Variants in ZNF813 observed in about 807,000 individuals in gnomAD.
ZNF813 encodes zinc finger protein 813.
A neutral mutation model predicts 7.2 loss-of-function variants in ZNF813; 3 were observed. The observed-to-expected ratio is 0.42, with a 90% CI of 0.19 to 1.08. The LOEUF (loss-of-function observed/expected upper bound fraction) is 1.08. ZNF813 is among the 50% of genes least tolerant of loss of function. The pLI, the probability that ZNF813 is intolerant of heterozygous loss-of-function variation, is 0.30. For synonymous variants in ZNF813, 227 were observed against 256.3 expected (o/e 0.89, Z 1.09); for missense variants, 714 against 753.3 (o/e 0.95, Z 0.61).
intron 1 of ZNF813, among the ~76,000 whole-genome samples, chr19:53,483,537 A>C (rs571328950): frequency 2.0e-5 from 3 of 152,240 alleles, no homozygotes; most frequent in Non-Finnish European, 2.9e-5. Context: ...AGGGGAGCTC[A>C]TCCCACCCCA....
chr19:53,477,773 A>C (rs2147156712), intron 1 of ZNF813, among the ~76,000 whole-genome samples: 1 of 152,280 alleles, frequency 6.6e-6, no homozygotes, highest in South Asian at 2.1e-4. Flanking sequence ...GTGAGCCGAG[A>C]TCATGCCACT....
intron 1 of ZNF813, among the ~76,000 whole-genome samples, chr19:53,481,157 A>G (rs1328475788): frequency 1.3e-5 from 2 of 152,082 alleles, no homozygotes; most frequent in Non-Finnish European, 2.9e-5. Flanking sequence ...AGATACAATC[A>G]TTTTATGAGC....
chr19:53,470,361 C>CAT (rs1427077457), intron 1 of ZNF813, among the ~76,000 whole-genome samples: 11 of 121,486 alleles, frequency 9.1e-5, no homozygotes, highest in East Asian at 9.0e-4. Flanking sequence ...TGAATGAATG[C>CAT]ATATTTTTTT....
Position 53,491,007 on chromosome 19 carries a change from G to C in ZNF813, c.775G>C (p.Val259Leu), listed in dbSNP as rs780024305. ...GGTCTTTAATCGGAAGCGAAACCTA[G>C]TGTGCCATCGTAGATGTCACACTGG... ...GKVFNRKRNL[V>L]CHRRCHTGEK... The change falls in exon 4 of 4, where the codon GTG (valine) becomes CTG (leucine). Residue 259 changes from valine to leucine, a missense_variant. Coordinates refer to ENST00000396403, the MANE Select transcript of ZNF813 (RefSeq NM_001004301.4). 6.2e-7 allele frequency: 1 copy of C among 1,614,186 alleles called. No homozygotes were observed. Among genetic ancestry groups the C allele is most frequent in the South Asian group, 1.1e-5 (1 of 91,070 alleles).
rs1568824468 is a variant in ZNF813 at position 53,467,796 on chromosome 19, T to G, written c.-74+7T>G. On this transcript the variant is annotated splice_region_variant and intron_variant, in intron 1 of 3. Coordinates refer to ENST00000396403, the MANE Select transcript of ZNF813 (RefSeq NM_001004301.4). ...GACGGTCCCACGGCAGCGCGTGAGT[T>G]TGGCTCTGTGTTGTATTAGGTCTGC... The G allele has an allele frequency of 5.8e-6, 1 of 172,636 alleles. No individual in the cohort carries two copies. Among genetic ancestry groups the G allele is most frequent in the African/African-American group, 2.4e-5 (1 of 41,892 alleles). 10.7% of individuals were successfully genotyped at this position (172,636 alleles called of 1,614,324 possible).
At position 53,490,777 on chromosome 19, in the gene ZNF813, G is replaced by C; in HGVS notation, c.545G>C (p.Cys182Ser). 6.2e-7 allele frequency: 1 copy of C among 1,614,158 alleles called. No homozygotes were observed. Among genetic ancestry groups the C allele is most frequent in the Non-Finnish European group, 8.5e-7 (1 of 1,180,030 alleles). The change falls in exon 4 of 4, where the codon TGT becomes TCT. Residue 182 changes from cysteine (C) to serine (S), a missense_variant. Around this residue, in one of 3 missense-constraint regions of ZNF813, gnomAD observed 563 missense variants for 554.2 expected, o/e 1.02. Transcript: ENST00000396403. ...SSISTSQRIS[C>S]RPKTHISNNY... ...ATTTCAACATCCCAAAGAATTTCTT[G>C]TAGGCCCAAAACCCATATTTCTAAT... is the stretch of plus-strand genomic sequence containing the variant.
At chr19:53,486,113 A>G (rs1442759836) in intron 2 of ZNF813, among the ~76,000 whole-genome samples, 1 of 152,030 alleles carries the variant, frequency 6.6e-6, no homozygotes, top group Admixed American at 6.6e-5. Flanking sequence ...CTCTGAAGGC[A>G]TCACCCATAC....
At chr19:53,488,426 T>G (rs892020828) in intron 3 of ZNF813, 3 of 301,474 alleles carry the variant, frequency 1.0e-5, no homozygotes, top group African/African-American at 6.8e-5. Flanking sequence ...TTTTTTTTTT[T>G]GAGATGGAGT....
At chr19:53,478,829 A>T (rs2086393787) in intron 1 of ZNF813, among the ~76,000 whole-genome samples, 1 of 152,116 alleles carries the variant, frequency 6.6e-6, no homozygotes, top group Non-Finnish European at 1.5e-5. Context: ...AAGGGACATC[A>T]AAAGTACATT....
At chr19:53,482,707 TTTTTG>T (rs2086414340) in intron 1 of ZNF813, among the ~76,000 whole-genome samples, 2 of 85,654 alleles carry the variant, frequency 2.3e-5, no homozygotes, top group Admixed American at 3.1e-4. Flanking sequence ...TCAGGAATGC[TTTTTG>T]TTTTTTTTTT....
Position 53,490,715 on chromosome 19 carries a change from T to C in ZNF813, c.483T>C (p.Gly161=), listed in dbSNP as rs747968496. 6 of 1,614,060 alleles carry C rather than the reference T, an allele frequency of 3.7e-6. No individual in the cohort carries two copies. The Admixed American group carries it at 1.0e-4, about 27-fold the overall frequency. Residue 161 remains glycine (G), a synonymous_variant, in exon 4 of 4, where the codon GGT becomes GGC. Transcript: ENST00000396403. ...TGTTTCAGACCCAAGGGAAAATTGG[T>C]AATCAAGTGGAGAAGTCTATCAACG... The part of the protein sequence containing the change: ...LHMFQTQGKI[G]NQVEKSINDA...
chr19:53,484,497 G>A (rs746411732), intron 2 of ZNF813, among the ~76,000 whole-genome samples: 3 of 152,158 alleles, frequency 2.0e-5, no homozygotes, highest in African/African-American at 7.2e-5. Context: ...CTGTGGAGAG[G>A]CTTGTGAAAC....
chr19:53,470,240 G>C (rs560309992), intron 1 of ZNF813, among the ~76,000 whole-genome samples: 2 of 151,916 alleles, frequency 1.3e-5, no homozygotes, highest in South Asian at 4.1e-4. Context: ...CTTTGGCTTC[G>C]ACTTCGCAAA....
intron 1 of ZNF813, chr19:53,480,193 T>G (rs368727808): frequency 1.3e-6 from 1 of 750,184 alleles, no homozygotes; most frequent in East Asian, 2.5e-5. Flanking sequence ...TGATCTTCAA[T>G]TGGAAGGCTG....
In ZNF813 at chr19:53,494,869, C is replaced by A. The variant is rs1001660252; in HGVS notation, c.*2783C>A. 6.6e-5 allele frequency: 10 copies of A among 152,000 alleles called. No homozygotes were observed. Among genetic ancestry groups the A allele is most frequent in the African/African-American group, 2.4e-4 (10 of 41,368 alleles). The allele number at this position is 152,000 out of a possible 1,614,324, so 9.4% of individuals were successfully genotyped here. A position where few individuals can be genotyped will look rare whatever the true frequency, so the allele number is the denominator to read the frequency against. On this transcript the variant is annotated 3_prime_UTR_variant, in exon 4 of 4. Transcript: ENST00000396403. The stretch of plus-strand genomic sequence containing the variant: ...GAAACCCCCTTGTCTACAAAAAATA[C>A]AAAAATTAGCTGGGCACGGTAGCAC...
intron 3 of ZNF813, among the ~76,000 whole-genome samples, chr19:53,487,314 T>C (rs34292962): frequency 1.3e-5 from 2 of 152,216 alleles, no homozygotes; most frequent in Non-Finnish European, 1.5e-5. Flanking sequence ...ATCTGTATTG[T>C]AGATTTTTTT....
At chr19:53,483,474 C>A in intron 1 of ZNF813, among the ~76,000 whole-genome samples, 1 of 152,154 alleles carries the variant, frequency 6.6e-6, no homozygotes, top group East Asian at 1.9e-4. Context: ...AGGCATGAGC[C>A]ACCGCACCCA....
chr19:53,487,565 A>C (rs1265329053), intron 3 of ZNF813, among the ~76,000 whole-genome samples: 1 of 152,156 alleles, frequency 6.6e-6, no homozygotes, highest in Non-Finnish European at 1.5e-5. Context: ...AGAGAGGCCA[A>C]GGCAGGCAAA....
At position 53,493,910 on chromosome 19, in the gene ZNF813, T is replaced by C. The variant is rs950284802; in HGVS notation, c.*1824T>C. The C allele has an allele frequency of 3.3e-5, 5 of 152,504 alleles. No individual in the cohort carries two copies. The highest frequency in any genetic ancestry group is 1.2e-4 in the African/African-American group (5 of 41,580). 9.4% of individuals were successfully genotyped at this position (152,504 alleles called of 1,614,324 possible). On this transcript the variant is annotated 3_prime_UTR_variant, in exon 4 of 4. Coordinates refer to ENST00000396403, the MANE Select transcript of ZNF813 (RefSeq NM_001004301.4). Reference sequence around the variant, plus strand: ...CCATGTTCCCTGCTTCGTTATCTACTCGTTGGTCATTTCATGGATGGCCTT... The same window carrying C: ...CCATGTTCCCTGCTTCGTTATCTACCCGTTGGTCATTTCATGGATGGCCTT...
Sources: gnomAD v4.1 joint callset for allele counts (sites outside exome capture counted in the v4.1 genomes callset) on GRCh38, gnomAD v4.1.1 for gene constraint, gnomAD v4.1.1 regional missense constraint, MANE v1.5 for transcripts, NCBI Gene and HGNC (gene_info 2026-07-23, HGNC 2026-07-21) for gene names.